The following RALYL variants were observed in gnomAD, a reference collection of about 807,000 sequenced individuals.
RALYL encodes RALY RNA binding protein like, also known as RNA-binding Raly-like protein.
RALYL carries 29 observed loss-of-function variants against 35.1 expected under a neutral mutation model. The ratio of observed to expected loss-of-function variants is 0.83; its 90% CI spans 0.61 to 1.13. The LOEUF (loss-of-function observed/expected upper bound fraction) is 1.13. RALYL is among the 50% of genes most tolerant of loss of function. RALYL has a pLI of 0.00. For missense variants in RALYL, 359 were observed against 360.4 expected, an observed-to-expected ratio of 1.00 and a Z score of 0.03; for synonymous variants, 120 against 127.6, an observed-to-expected ratio of 0.94 and a Z score of 0.40.
At chr8:84,199,188 T>G (rs1198480655) in intron 1 of RALYL, among the ~76,000 whole-genome samples, 1 of 152,190 alleles carries the variant, frequency 6.6e-6, no homozygotes, top group Non-Finnish European at 1.5e-5. Flanking sequence ...GTAAGTCATT[T>G]TACCTGGGAT....
At chr8:84,819,132 C>T (rs1168231083) in intron 4 of RALYL, among the ~76,000 whole-genome samples, 1 of 152,014 alleles carries the variant, frequency 6.6e-6, no homozygotes, top group East Asian at 1.9e-4. Context: ...TACTTTTTTG[C>T]GTTTTTTTTA....
intron 2 of RALYL, among the ~76,000 whole-genome samples, chr8:84,726,337 TA>T (rs1231359518): frequency 2.0e-5 from 3 of 147,824 alleles, no homozygotes; most frequent in African/African-American, 7.4e-5. Context: ...TATATAATTT[TA>T]TTTTTGTAGG....
chr8:84,516,187 A>C (rs1257770655), intron 1 of RALYL, among the ~76,000 whole-genome samples: 1 of 152,114 alleles, frequency 6.6e-6, no homozygotes, highest in East Asian at 1.9e-4. Context: ...AATAATTAAT[A>C]TCTAATATGT....
At chr8:84,208,817 C>T (rs766677596) in intron 1 of RALYL, among the ~76,000 whole-genome samples, 4 of 151,954 alleles carry the variant, frequency 2.6e-5, no homozygotes, top group Non-Finnish European at 5.9e-5. Context: ...AGTTTTAAAT[C>T]AGGGGTCACA....
chr8:84,431,004 ATTC>A (rs1355087234), intron 1 of RALYL, among the ~76,000 whole-genome samples: 4 of 152,124 alleles, frequency 2.6e-5, no homozygotes, highest in Non-Finnish European at 4.4e-5. Context: ...CTGAGTAAGA[ATTC>A]TTCTTCTGTA....
chr8:84,616,963 G>T (rs1030733325), intron 2 of RALYL, among the ~76,000 whole-genome samples: 3 of 149,570 alleles, frequency 2.0e-5, no homozygotes, highest in African/African-American at 7.5e-5. Flanking sequence ...CTCTGTTTTG[G>T]TACCAGTACC....
At chr8:84,276,874 A>G (rs1048927317) in intron 1 of RALYL, among the ~76,000 whole-genome samples, 1 of 152,246 alleles carries the variant, frequency 6.6e-6, no homozygotes, top group Non-Finnish European at 1.5e-5. Context: ...AACATTTACA[A>G]TGACTAGGTT....
intron 3 of RALYL, among the ~76,000 whole-genome samples, chr8:84,776,202 ATCT>A (rs1816796945): frequency 6.6e-6 from 1 of 152,146 alleles, no homozygotes; most frequent in Admixed American, 6.5e-5. Flanking sequence ...AAACTAGCAT[ATCT>A]TCTTTTCAGC....
intron 2 of RALYL, among the ~76,000 whole-genome samples, chr8:84,685,022 G>A (rs1455193106): frequency 6.6e-6 from 1 of 152,106 alleles, no homozygotes; most frequent in African/African-American, 2.4e-5. Context: ...CAAAGAGAGA[G>A]CAAGCTCTCT....
At chr8:84,670,907 G>T (rs922093134) in intron 2 of RALYL, among the ~76,000 whole-genome samples, 1 of 152,098 alleles carries the variant, frequency 6.6e-6, no homozygotes, top group Non-Finnish European at 1.5e-5. Context: ...ACAGTCACCC[G>T]AAGTCTTAAC....
At chr8:84,565,954 C>T (rs1462372059) in intron 2 of RALYL, among the ~76,000 whole-genome samples, 1 of 151,624 alleles carries the variant, frequency 6.6e-6, no homozygotes, top group Non-Finnish European at 1.5e-5. Context: ...CTTCCTCCAA[C>T]TAAAGATGAA....
chr8:84,346,431 G>T (rs1849850833), intron 1 of RALYL, among the ~76,000 whole-genome samples: 2 of 152,080 alleles, frequency 1.3e-5, no homozygotes, highest in African/African-American at 4.8e-5. Context: ...ATTAACAAAT[G>T]GTTATGCTAG....
At chr8:84,423,136 G>A (rs1192548253) in intron 1 of RALYL, among the ~76,000 whole-genome samples, 1 of 150,640 alleles carries the variant, frequency 6.6e-6, no homozygotes, top group Admixed American at 6.6e-5. Flanking sequence ...TCTGTCTAAT[G>A]TTGACAGTGG....
intron 1 of RALYL, among the ~76,000 whole-genome samples, chr8:84,226,085 A>C (rs891622877): frequency 2.6e-5 from 4 of 152,182 alleles, no homozygotes; most frequent in African/African-American, 9.7e-5. Flanking sequence ...GTGAGCTGCC[A>C]GCTAGGGAAC....
intron 2 of RALYL, among the ~76,000 whole-genome samples, chr8:84,610,600 A>T (rs913530191): frequency 4.5e-4 from 68 of 152,116 alleles, no homozygotes; most frequent in African/African-American, 1.6e-3. Flanking sequence ...GGAAATCATT[A>T]TATACAGCCC....
intron 1 of RALYL, among the ~76,000 whole-genome samples, chr8:84,235,967 A>G (rs559668594): frequency 6.6e-5 from 10 of 151,980 alleles, no homozygotes; most frequent in Non-Finnish European, 4.4e-5. Context: ...GGGTTTCACC[A>G]TGTTGGCCAG....
intron 2 of RALYL, among the ~76,000 whole-genome samples, chr8:84,719,450 A>G (rs1334829164): frequency 3.3e-5 from 5 of 152,098 alleles, no homozygotes; most frequent in Admixed American, 6.6e-5. Context: ...TACTTTTTCT[A>G]CTGACAACCC....
At chr8:84,698,214 G>C (rs1183759895) in intron 2 of RALYL, among the ~76,000 whole-genome samples, 3 of 152,006 alleles carry the variant, frequency 2.0e-5, no homozygotes, top group Non-Finnish European at 4.4e-5. Context: ...TCGCATCACT[G>C]CTTTAAAATT....
At chr8:84,588,736 C>T (rs2130457719) in intron 2 of RALYL, among the ~76,000 whole-genome samples, 1 of 152,342 alleles carries the variant, frequency 6.6e-6, no homozygotes, top group East Asian at 1.9e-4. Context: ...TTCCCTCCCA[C>T]TGGGAGTACC....
Sources: allele counts gnomAD v4.1 joint callset (sites outside exome capture counted in the v4.1 genomes callset), GRCh38; gene constraint gnomAD v4.1.1; transcripts MANE v1.5; gene names NCBI Gene and HGNC (gene_info 2026-07-23, HGNC 2026-07-21).